WDR17: variants seen among roughly 807,000 people sequenced by gnomAD.
The protein encoded by WDR17 is WD repeat domain 17.
In WDR17, 143 loss-of-function variants were observed where a neutral mutation model predicts 161.7. The ratio of observed to expected loss-of-function variants is 0.88; its 90% CI spans 0.77 to 1.02. The LOEUF (loss-of-function observed/expected upper bound fraction) is 1.02, where lower values mean the gene tolerates loss of function less well. Among genes scored for constraint, WDR17 ranks in the 50% least tolerant of loss-of-function variants. The pLI is 0.00. For synonymous variants in WDR17, 517 were observed against 515.6 expected (o/e 1.00, Z -0.04); for missense variants, 1,469 against 1,520.9 (o/e 0.97, Z 0.57).
At chr4:176,073,288 T>C (rs1733483317) in intron 1 of WDR17, among the ~76,000 whole-genome samples, 1 of 152,136 alleles carries the variant, frequency 6.6e-6, no homozygotes, top group African/African-American at 2.4e-5. Flanking sequence ...CAGAGTGTGA[T>C]GTTCCCCTTA....
rs367843868 is a variant in WDR17, at chr4:176,091,796, G to A, written c.-6-19779G>A. ...AGATGAAAAAAGAGATATTACAACT[G>A]ATACTACAGAAATTCAAAGGTTCAT... On this transcript the variant is annotated intron_variant, in intron 1 of 28. Coordinates refer to ENST00000508596, the MANE Select transcript of WDR17 (RefSeq NM_181265.4). Among the ~76,000 whole-genome samples, 26 of 152,132 alleles carry A rather than the reference G, an allele frequency of 1.7e-4. No individual in the cohort carries two copies. The East Asian group carries it at 3.3e-3, about 19-fold the overall frequency.
intron 1 of WDR17, chr4:176,096,648 T>C (rs939218450): frequency 4.7e-5 from 63 of 1,331,542 alleles, no homozygotes; most frequent in Non-Finnish European, 6.2e-5. Flanking sequence ...GCTTCTCATA[T>C]AGTTTTATAT....
In WDR17 at chr4:176,156,137, T is replaced by C; in HGVS notation, c.2519T>C (p.Met840Thr). ...TCTGTGAAATACTGGAAGAAGTTAA[T>C]GCAGAGGTAAGGCAGAGAGAGTCCG... is the stretch of plus-strand genomic sequence containing the variant. ...GVSVKYWKKL[M>T]QRRADQLIQE... Residue 840 changes from methionine (M) to threonine (T), a missense_variant, in exon 18 of 29, where the codon ATG becomes ACG. Transcript: ENST00000508596. The C allele has an allele frequency of 2.5e-6, 4 of 1,613,554 alleles. No individual in the cohort carries two copies. Among genetic ancestry groups the C allele is most frequent in the Non-Finnish European group, 3.4e-6 (4 of 1,179,682 alleles).
chr4:176,083,591 A>G (rs1735031123), intron 1 of WDR17, among the ~76,000 whole-genome samples: 1 of 152,164 alleles, frequency 6.6e-6, no homozygotes, highest in African/African-American at 2.4e-5. Flanking sequence ...TCATTGTACT[A>G]TTAAAGTATA....
At chr4:176,088,388 C>A (rs1156705863) in intron 1 of WDR17, among the ~76,000 whole-genome samples, 1 of 151,946 alleles carries the variant, frequency 6.6e-6, no homozygotes, top group Non-Finnish European at 1.5e-5. Context: ...ACTTTGAGGC[C>A]AGTCTGGGCA....
Position 176,125,319 on chromosome 4 carries a change from T to G in WDR17, c.754T>G (p.Trp252Gly). 3 of 1,614,158 alleles carry G rather than the reference T, an allele frequency of 1.9e-6. No homozygotes were observed. The South Asian group carries it at 3.3e-5, about 18-fold the overall frequency. The change falls in exon 5 of 29, where the codon TGG (tryptophan) becomes GGG (glycine). Residue 252 changes from tryptophan (W) to glycine (G), a missense_variant. Transcript: ENST00000508596. Reference sequence around the variant, plus strand: ...AGCAGCTTCTGTACAGTGCTTAGCCTGGGTTCCCAGTGCTCCTGGGATGTT... The same window carrying G: ...AGCAGCTTCTGTACAGTGCTTAGCCGGGGTTCCCAGTGCTCCTGGGATGTT... Reference protein sequence around the residue: ...SAAASVQCLAWVPSAPGMFIT... With the variant: ...SAAASVQCLAGVPSAPGMFIT...
At chr4:176,116,491 A>C (rs889294323) in intron 3 of WDR17, among the ~76,000 whole-genome samples, 1 of 151,846 alleles carries the variant, frequency 6.6e-6, no homozygotes, top group Non-Finnish European at 1.5e-5. Context: ...TTCTACTTAG[A>C]ATTGGGAACT....
In WDR17 at chr4:176,172,437, T is replaced by C. The variant is rs11941441; in HGVS notation, c.3165T>C (p.Asn1055=). ...QLAETARADD[N]IFETVKYYLL... is the part of the protein sequence containing the mutation. ...CTGAGACAGCCCGTGCAGATGACAA[T>C]ATATTTGAAACTGTAAAATATTACT... The change falls in exon 24 of 29, where the codon AAT becomes AAC. Residue 1055 remains asparagine, a synonymous_variant. Transcript: ENST00000508596. 543 of 1,612,542 alleles carry C rather than the reference T, an allele frequency of 3.4e-4. No individual in the cohort carries two copies. The African/African-American group carries it at 6.7e-3, about 20-fold the overall frequency.
intron 1 of WDR17, among the ~76,000 whole-genome samples, chr4:176,087,917 C>G (rs1735624355): frequency 6.6e-6 from 1 of 151,908 alleles, no homozygotes. Context: ...GATCTCGGCT[C>G]ACTGCAACCT....
rs973578121 is a variant in WDR17, at chr4:176,181,086, T to C, written c.*1507T>C. The C allele has an allele frequency of 2.6e-5, 4 of 152,118 alleles. No homozygotes were observed. The highest frequency in any genetic ancestry group is 9.7e-5 in the African/African-American group (4 of 41,432). The allele number at this position is 152,118 out of a possible 1,614,324, so 9.4% of individuals were successfully genotyped here. The stretch of plus-strand genomic sequence containing the variant: ...ATTTTTAAAACCTTCTTAACAAAAC[T>C]TCTTAAAACTGGAAAAAATATATAT... On this transcript the variant is annotated 3_prime_UTR_variant, in exon 29 of 29. Transcript: ENST00000508596.
At chr4:176,126,422 T>C (rs565827038) in intron 5 of WDR17, among the ~76,000 whole-genome samples, 25 of 152,194 alleles carry the variant, frequency 1.6e-4, no homozygotes, top group Non-Finnish European at 2.2e-4. Context: ...TAGCGTAAAA[T>C]AATAGGCAAA....
intron 12 of WDR17, among the ~76,000 whole-genome samples, chr4:176,147,058 G>T (rs1366936506): frequency 2.6e-5 from 4 of 151,824 alleles, no homozygotes; most frequent in Non-Finnish European, 5.9e-5. Context: ...GTACAGACAG[G>T]GTTTCACCAT....
At chr4:176,103,555 A>C (rs1050683996) in intron 1 of WDR17, among the ~76,000 whole-genome samples, 4 of 152,172 alleles carry the variant, frequency 2.6e-5, no homozygotes, top group African/African-American at 7.2e-5. Context: ...GAGAAAGTCA[A>C]GAAAACAATG....
intron 1 of WDR17, among the ~76,000 whole-genome samples, chr4:176,086,567 T>A (rs1735447855): frequency 6.6e-6 from 1 of 151,952 alleles, no homozygotes; most frequent in African/African-American, 2.4e-5. Flanking sequence ...TTTTTGGTAA[T>A]ATTTCTTGCC....
intron 28 of WDR17, among the ~76,000 whole-genome samples, chr4:176,178,811 A>G (rs72706359): frequency 0.034 from 5,212 of 152,298 alleles, 94 homozygotes; most frequent in Middle Eastern, 0.092. Context: ...AGAAAACATA[A>G]TTTGTATTGC....
chr4:176,149,544 A>G (rs1386032219), intron 13 of WDR17, among the ~76,000 whole-genome samples: 1 of 152,160 alleles, frequency 6.6e-6, no homozygotes, highest in East Asian at 1.9e-4. Context: ...AAGTGCTGGG[A>G]TTACAGGCGT....
Position 176,137,590 on chromosome 4 carries a change from A to G in WDR17, c.1338A>G (p.Lys446=), listed in dbSNP as rs145423842. ...GAFIWNVQKG[K]IIQRFNEHGT... ...TTATTTGGAATGTTCAAAAGGGCAA[A>G]ATTATACAACGATTTAATGAGGTAA... Residue 446 remains lysine (K), a synonymous_variant, in exon 9 of 29, where the codon AAA becomes AAG. Transcript: ENST00000508596. The G allele has an allele frequency of 1.7e-3, 2,712 of 1,595,500 alleles. 4 individuals carry two copies. Among genetic ancestry groups the G allele is most frequent in the Admixed American group, 2.5e-3 (148 of 59,364 alleles).
At chr4:176,096,379 T>C (rs1736858301) in intron 1 of WDR17, 2 of 543,442 alleles carry the variant, frequency 3.7e-6, no homozygotes, top group Admixed American at 7.2e-5. Context: ...ATTTGTGCAG[T>C]TCTAGCCTTT....
chr4:176,098,609 T>C (rs540567374), intron 1 of WDR17, among the ~76,000 whole-genome samples: 1 of 152,120 alleles, frequency 6.6e-6, no homozygotes, highest in African/African-American at 2.4e-5. Flanking sequence ...TTGTTTCATC[T>C]CCTTGGCAAC....
Sources: allele counts gnomAD v4.1 joint callset (sites outside exome capture counted in the v4.1 genomes callset), GRCh38; gene constraint gnomAD v4.1.1; transcripts MANE v1.5; gene names NCBI Gene and HGNC (gene_info 2026-07-23, HGNC 2026-07-21).